The following SPOCK1 variants were observed in gnomAD, a reference collection of about 807,000 sequenced individuals.
SPOCK1 encodes SPARC (osteonectin), cwcv and kazal like domains proteoglycan 1.
In SPOCK1, 23 loss-of-function variants were observed where a neutral mutation model predicts 55.3. The ratio of observed to expected loss-of-function variants is 0.42; its 90% CI spans 0.30 to 0.59. SPOCK1 has a LOEUF of 0.59. Among genes scored for constraint, SPOCK1 ranks in the 20% least tolerant of loss-of-function variants. SPOCK1 has a pLI of 0.22. For synonymous variants in SPOCK1, 226 were observed against 221.0 expected (o/e 1.02, Z -0.20); for missense variants, 499 against 552.5 (o/e 0.90, Z 0.97).
intron 2 of SPOCK1, among the ~76,000 whole-genome samples, chr5:137,346,518 G>A (rs1395739939): frequency 6.6e-6 from 1 of 152,220 alleles, no homozygotes; most frequent in East Asian, 1.9e-4. Context: ...AGCTGTGAAT[G>A]CACAGCCTTT....
At chr5:137,041,047 T>G (rs1751987533) in intron 6 of SPOCK1, among the ~76,000 whole-genome samples, 1 of 152,202 alleles carries the variant, frequency 6.6e-6, no homozygotes, top group Admixed American at 6.5e-5. Context: ...AAGAGCATTG[T>G]AATACTGAAG....
chr5:137,186,688 T>C (rs1363742324), intron 3 of SPOCK1, among the ~76,000 whole-genome samples: 1 of 152,180 alleles, frequency 6.6e-6, no homozygotes, highest in East Asian at 1.9e-4. Flanking sequence ...GAGCCAGGTG[T>C]TCTCTGCACT....
chr5:136,992,238 C>T (rs1750962194), intron 7 of SPOCK1, among the ~76,000 whole-genome samples: 1 of 152,106 alleles, frequency 6.6e-6, no homozygotes, highest in African/African-American at 2.4e-5. Flanking sequence ...TCATATATGA[C>T]ACCAGAAAAA....
intron 3 of SPOCK1, among the ~76,000 whole-genome samples, chr5:137,152,831 G>T (rs2127045335): frequency 6.6e-6 from 1 of 152,124 alleles, no homozygotes; most frequent in East Asian, 1.9e-4. Flanking sequence ...AACATCTGAG[G>T]TGCTTTCATG....
intron 2 of SPOCK1, among the ~76,000 whole-genome samples, chr5:137,329,815 A>T (rs1307249277): frequency 2.0e-5 from 3 of 152,210 alleles, no homozygotes; most frequent in African/African-American, 7.2e-5. Context: ...CATATCACCC[A>T]CAGGTCTCCT....
rs1485908534 is a variant in SPOCK1, at chr5:137,108,820, G to A, written c.474+3615C>T. On this transcript the variant is annotated intron_variant, in intron 5 of 10. Coordinates refer to ENST00000394945, the MANE Select transcript of SPOCK1 (RefSeq NM_004598.4). The stretch of plus-strand genomic sequence containing the variant: ...ATGCCACTCCTCTTATGAAGAATCC[G>A]AAGTCATTGCAAAGGGGTCTCCCCA... 3.9e-5 allele frequency among the ~76,000 whole-genome samples: 6 copies of A among 152,276 alleles called. No homozygotes were observed. In the East Asian group the frequency reaches 7.7e-4, roughly 20 times the overall value.
intron 2 of SPOCK1, among the ~76,000 whole-genome samples, chr5:137,300,142 A>G (rs548396696): frequency 1.3e-5 from 2 of 152,038 alleles, no homozygotes; most frequent in Admixed American, 6.6e-5. Flanking sequence ...GTAAGTCTAG[A>G]TTCAGTGACT....
intron 5 of SPOCK1, among the ~76,000 whole-genome samples, chr5:137,071,146 A>G (rs1014244367): frequency 1.3e-5 from 2 of 151,484 alleles, no homozygotes; most frequent in Non-Finnish European, 1.5e-5. Context: ...CCTCAGCCTC[A>G]TGAGTAGCTG....
intron 3 of SPOCK1, among the ~76,000 whole-genome samples, chr5:137,180,988 C>G (rs140916089): frequency 6.6e-6 from 1 of 152,112 alleles, no homozygotes; most frequent in Admixed American, 6.5e-5. Context: ...GGCTGGGCAC[C>G]AGGCAGAAAG....
intron 2 of SPOCK1, among the ~76,000 whole-genome samples, chr5:137,395,479 G>A (rs1373635112): frequency 6.6e-6 from 1 of 152,184 alleles, no homozygotes; most frequent in Non-Finnish European, 1.5e-5. Flanking sequence ...TGGTAAACAG[G>A]AGGACATTTT....
chr5:137,224,163 CA>C (rs1348829103), intron 3 of SPOCK1, among the ~76,000 whole-genome samples: 2 of 152,176 alleles, frequency 1.3e-5, no homozygotes, highest in Non-Finnish European at 2.9e-5. Context: ...AGCTTTGCCA[CA>C]ACTTTTCTAC....
At chr5:137,190,272 TG>T (rs1404082725) in intron 3 of SPOCK1, among the ~76,000 whole-genome samples, 1 of 152,136 alleles carries the variant, frequency 6.6e-6, no homozygotes, top group African/African-American at 2.4e-5. Context: ...AATTCTTTTG[TG>T]AAAGAGTCAA....
intron 4 of SPOCK1, among the ~76,000 whole-genome samples, chr5:137,134,426 A>G (rs1753942624): frequency 6.6e-6 from 1 of 152,168 alleles, no homozygotes; most frequent in Non-Finnish European, 1.5e-5. Context: ...TAATTCCACA[A>G]TCAGTGTAGG....
At chr5:137,236,096 T>C (rs1756175245) in intron 3 of SPOCK1, among the ~76,000 whole-genome samples, 2 of 152,234 alleles carry the variant, frequency 1.3e-5, no homozygotes. Flanking sequence ...GCTTTGCCTT[T>C]CCAGCCCATG....
chr5:137,428,070 C>T (rs1042389820), intron 2 of SPOCK1, among the ~76,000 whole-genome samples: 8 of 152,160 alleles, frequency 5.3e-5, no homozygotes, highest in Non-Finnish European at 1.0e-4. Flanking sequence ...TTTCTGTCCA[C>T]TTCAGGACTT....
At chr5:137,013,374 C>CA (rs1751389598) in intron 6 of SPOCK1, among the ~76,000 whole-genome samples, 1 of 152,188 alleles carries the variant, frequency 6.6e-6, no homozygotes, top group African/African-American at 2.4e-5. Flanking sequence ...AAAAGTCTTT[C>CA]ATGATAACAT....
intron 2 of SPOCK1, among the ~76,000 whole-genome samples, chr5:137,407,602 G>A (rs1164550227): frequency 2.0e-5 from 3 of 151,962 alleles, no homozygotes; most frequent in Non-Finnish European, 4.4e-5. Flanking sequence ...GACAAAAGCA[G>A]CACAAAACAC....
intron 2 of SPOCK1, among the ~76,000 whole-genome samples, chr5:137,467,118 C>T (rs1753637264): frequency 6.6e-6 from 1 of 152,232 alleles, no homozygotes; most frequent in Non-Finnish European, 1.5e-5. Flanking sequence ...GGGTAACTTA[C>T]AGCATGGCCA....
intron 2 of SPOCK1, among the ~76,000 whole-genome samples, chr5:137,358,451 AGGGAAGGGG>A (rs1750867304): frequency 2.8e-5 from 1 of 35,898 alleles, no homozygotes; most frequent in African/African-American, 1.0e-4. Flanking sequence ...GGAGGGAGGG[AGGGAAGGGG>A]AGGGGAGGGG....
Sources: gnomAD v4.1 joint callset for allele counts (sites outside exome capture counted in the v4.1 genomes callset) on GRCh38, gnomAD v4.1.1 for gene constraint, MANE v1.5 for transcripts, NCBI Gene and HGNC (gene_info 2026-07-23, HGNC 2026-07-21) for gene names.